TCF25: variants seen among roughly 807,000 people sequenced by gnomAD.
The protein encoded by TCF25 is ribosome quality control complex subunit TCF25.
TCF25 carries 41 observed loss-of-function variants against 83.1 expected under a neutral mutation model. That is an observed-to-expected ratio of 0.49 (90% confidence interval 0.38 to 0.64). TCF25 has a LOEUF of 0.64. TCF25 is among the 30% of genes least tolerant of loss of function. TCF25 has a pLI of 0.00. For missense variants in TCF25, 979 were observed against 914.5 expected (o/e 1.07, Z -0.91); for synonymous variants, 458 against 365.0 (o/e 1.25, Z -2.90).
Position 89,911,221 on chromosome 16 carries a change from G to A in TCF25, c.2014G>A (p.Glu672Lys). 6.2e-7 allele frequency: 1 copy of A among 1,612,480 alleles called. No homozygotes were observed. Among genetic ancestry groups the A allele is most frequent in the Non-Finnish European group, 8.5e-7 (1 of 1,179,934 alleles). ...GCCGCACGAGGACGACGCTGAGGGG[G>A]AGGGGGAGTGGGACTGAGCGTCCGC... ...EAPHEDDAEG[E>K]GEWD The change falls in exon 18 of 18, where the codon GAG (glutamate) becomes AAG (lysine). Residue 672 changes from glutamate (E) to lysine (K), a missense_variant. Transcript: ENST00000263346.
Position 89,893,828 on chromosome 16 carries a change from C to A in TCF25, c.798C>A (p.Ala266=), listed in dbSNP as rs996003808. Residue 266 remains alanine (A), a synonymous_variant, in exon 7 of 18, where the codon GCC becomes GCA. Transcript: ENST00000263346. The part of the protein sequence containing the change: ...YQQAQHKFLV[A]VESMEPNNIV... ...AGGCTCAGCACAAGTTCCTGGTGGC[C>A]GTGGAGTCTATGGAGCCGAACAACA... is the stretch of plus-strand genomic sequence containing the variant. 6.2e-7 allele frequency: 1 copy of A among 1,610,556 alleles called. No homozygotes were observed. The highest frequency in any genetic ancestry group is 1.3e-5 in the African/African-American group (1 of 74,754).
chr16:89,909,616 T>C (rs917128712), intron 16 of TCF25: 1 of 147,240 alleles, frequency 6.8e-6, no homozygotes, highest in Non-Finnish European at 1.5e-5. Context: ...AGGAGGGGGT[T>C]GCCGTGAGCT....
intron 1 of TCF25, among the ~76,000 whole-genome samples, chr16:89,875,585 T>C (rs1354994822): frequency 7.1e-6 from 1 of 139,864 alleles, no homozygotes; most frequent in Non-Finnish European, 1.5e-5. Flanking sequence ...TGCAGTGGCA[T>C]GATCTCGGCT....
intron 1 of TCF25, chr16:89,878,581 T>C (rs370989226): frequency 5.1e-6 from 6 of 1,171,858 alleles, no homozygotes; most frequent in Middle Eastern, 2.4e-4. Context: ...CCTTGTGAAA[T>C]GTTCCCCATT....
intron 4 of TCF25, among the ~76,000 whole-genome samples, chr16:89,886,956 A>G (rs2043062467): frequency 1.3e-5 from 2 of 152,150 alleles, no homozygotes; most frequent in African/African-American, 4.8e-5. Flanking sequence ...ACAAAAGGAA[A>G]TAGGAACAAG....
intron 12 of TCF25, among the ~76,000 whole-genome samples, chr16:89,902,676 G>A (rs1372582743): frequency 1.4e-5 from 2 of 143,446 alleles, no homozygotes; most frequent in African/African-American, 2.5e-5. Flanking sequence ...GCAACATAGC[G>A]AGACTCCGTC....
intron 12 of TCF25, among the ~76,000 whole-genome samples, chr16:89,902,570 T>C (rs1294903543): frequency 6.8e-6 from 1 of 147,796 alleles, no homozygotes; most frequent in Non-Finnish European, 1.5e-5. Flanking sequence ...GCACCTGTAG[T>C]CCCAGCTACT....
At position 89,907,331 on chromosome 16, in the gene TCF25, C is replaced by T. The variant is rs747886360; in HGVS notation, c.1799+9C>T. ...TACGTCAGGCCAGAGAGGTACCTCC[C>T]TCCTTCCAGTTCCCACCTCCCAGCT... On this transcript the variant is annotated intron_variant, in intron 16 of 17. Transcript: ENST00000263346. 8.1e-6 allele frequency: 13 copies of T among 1,606,930 alleles called. No homozygotes were observed. The highest frequency in any genetic ancestry group is 1.1e-5 in the Non-Finnish European group (13 of 1,175,186).
chr16:89,900,376 T>G (rs2044223081), intron 11 of TCF25, among the ~76,000 whole-genome samples: 1 of 151,868 alleles, frequency 6.6e-6, no homozygotes, highest in African/African-American at 2.4e-5. Context: ...GGTGGGACCC[T>G]CACTCCCCAC....
intron 5 of TCF25, among the ~76,000 whole-genome samples, chr16:89,888,445 C>T (rs921910181): frequency 3.3e-5 from 5 of 151,170 alleles, no homozygotes; most frequent in African/African-American, 1.2e-4. Flanking sequence ...AAAAATTAGC[C>T]AGGCATGGTC....
chr16:89,873,990 A>T, intron 1 of TCF25, 131 bp downstream of exon 1: 267 of 623,972 alleles, frequency 4.3e-4, no homozygotes, highest in East Asian at 2.1e-3. Flanking sequence ...TCCCAGCCGC[A>T]GTGGGGAGGG....
In TCF25 at chr16:89,893,736, A is replaced by T. The variant is rs375186023; in HGVS notation, c.706A>T (p.Met236Leu). Residue 236 changes from methionine (M) to leucine (L), a missense_variant, in exon 7 of 18, where the codon ATG becomes TTG. Transcript: ENST00000263346. ...GCACTCTCCCCTCCCAGGTCTGTCC[A>T]TGCGGCTGCTGGAATCAAAAAAAGG... ...WPRYSKPGLSMRLLESKKGLS... is the reference protein window; with the variant it reads ...WPRYSKPGLSLRLLESKKGLS... 7.4e-6 allele frequency: 12 copies of T among 1,613,726 alleles called. No homozygotes were observed. Among genetic ancestry groups the T allele is most frequent in the Non-Finnish European group, 8.5e-7 (1 of 1,179,966 alleles).
chr16:89,907,723 C>T (rs1361664401), intron 16 of TCF25, among the ~76,000 whole-genome samples: 1 of 128,366 alleles, frequency 7.8e-6, no homozygotes, highest in African/African-American at 3.0e-5. Flanking sequence ...TCCCGCCTCC[C>T]ACCTTCCAGC....
At position 89,910,859 on chromosome 16, in the gene TCF25, C is replaced by A. The variant is rs749267682; in HGVS notation, c.1872+196C>A. Among the ~76,000 whole-genome samples, 4 of 152,258 alleles carry A rather than the reference C, an allele frequency of 2.6e-5. No individual in the cohort carries two copies. In the South Asian group the frequency reaches 8.3e-4, roughly 31 times the overall value. On this transcript the variant is annotated intron_variant, in intron 17 of 17. Transcript: ENST00000263346. ...GGGCCTGCCCAGATGGTAGCAGATG[C>A]AGGGCCGTGAGTCAGCCGGCTTGAT... is the stretch of plus-strand genomic sequence containing the variant.
intron 14 of TCF25, 74 bp downstream of exon 14, chr16:89,905,170 C>A (rs2044674358): frequency 1.4e-6 from 2 of 1,467,532 alleles, no homozygotes; most frequent in Non-Finnish European, 1.8e-6. Flanking sequence ...GGGGGCCTCG[C>A]ATTCGGGAGG....
At chr16:89,887,835 G>A (rs2043133068) in intron 5 of TCF25, 118 bp downstream of exon 5, 2 of 907,946 alleles carry the variant, frequency 2.2e-6, no homozygotes, top group South Asian at 1.9e-5. Context: ...AAGCCAGAGT[G>A]CACACGTAAC....
chr16:89,900,132 T>A (rs1370400849), intron 11 of TCF25, among the ~76,000 whole-genome samples: 1 of 152,062 alleles, frequency 6.6e-6, no homozygotes, highest in Admixed American at 6.6e-5. Flanking sequence ...CCCATTTTGA[T>A]AGAAAAAAAT....
intron 3 of TCF25, 62 bp from the exon 4 acceptor site, chr16:89,885,786 A>T: frequency 8.9e-6 from 12 of 1,355,438 alleles, no homozygotes; most frequent in South Asian, 1.2e-5. Context: ...TAATTTTGTT[A>T]TTGTTACAAT....
At chr16:89,901,462 C>A (rs539270473) in intron 12 of TCF25, among the ~76,000 whole-genome samples, 1 of 147,400 alleles carries the variant, frequency 6.8e-6, no homozygotes, top group South Asian at 2.1e-4. Context: ...AGACGGGCCT[C>A]CGGCCGGGCG....
Sources: gnomAD v4.1 joint callset for allele counts (sites outside exome capture counted in the v4.1 genomes callset) on GRCh38, gnomAD v4.1.1 for gene constraint, MANE v1.5 for transcripts, NCBI Gene and HGNC (gene_info 2026-07-23, HGNC 2026-07-21) for gene names.